The following PVT1 variants were observed in gnomAD, a reference collection of about 807,000 sequenced individuals.
PVT1 encodes the protein CXCR4/PVT1 fusion.
intron 2 of PVT1, among the ~76,000 whole-genome samples, chr8:127,807,588 G>A (rs1457064275): frequency 2.6e-5 from 4 of 152,158 alleles, no homozygotes; most frequent in African/African-American, 7.2e-5. Context: ...CTCCCAAAGT[G>A]CTGGGATTAC....
chr8:128,072,195 C>T (rs189864882), intron 5 of PVT1, among the ~76,000 whole-genome samples: 105 of 152,248 alleles, frequency 6.9e-4, no homozygotes, highest in Admixed American at 5.9e-3. Flanking sequence ...ATCACCATTG[C>T]GCCCCTCATC....
intron 4 of PVT1, among the ~76,000 whole-genome samples, chr8:128,006,293 G>A (rs1194852675): frequency 6.6e-6 from 1 of 152,040 alleles, no homozygotes; most frequent in African/African-American, 2.4e-5. Flanking sequence ...CATTAGTAAT[G>A]TATCAGAACC....
intron 3 of PVT1, among the ~76,000 whole-genome samples, chr8:127,914,022 G>A (rs944801814): frequency 2.0e-5 from 3 of 152,018 alleles, no homozygotes; most frequent in Admixed American, 1.3e-4. Flanking sequence ...GGCAGCATAC[G>A]AGTTTGCTAT....
At chr8:128,000,074 T>C (rs1365647602) in intron 4 of PVT1, among the ~76,000 whole-genome samples, 2 of 152,164 alleles carry the variant, frequency 1.3e-5, no homozygotes, top group African/African-American at 4.8e-5. Flanking sequence ...CCTGTTCTGC[T>C]CCTGTCCTCC....
intron 2 of PVT1, among the ~76,000 whole-genome samples, chr8:127,868,056 G>A (rs1423103426): frequency 6.6e-6 from 1 of 152,120 alleles, no homozygotes; most frequent in Non-Finnish European, 1.5e-5. Flanking sequence ...TTCTTATTAT[G>A]AAATAGATAT....
At chr8:127,841,618 T>C (rs746742864) in intron 2 of PVT1, among the ~76,000 whole-genome samples, 5 of 152,178 alleles carry the variant, frequency 3.3e-5, no homozygotes, top group Non-Finnish European at 7.3e-5. Context: ...ATGCCATGGC[T>C]GAGGTAAGAT....
At chr8:127,891,858 C>A (rs947030022) in intron 3 of PVT1, among the ~76,000 whole-genome samples, 3 of 152,202 alleles carry the variant, frequency 2.0e-5, no homozygotes, top group Non-Finnish European at 2.9e-5. Context: ...GAAATGGAGT[C>A]TCATGCCAGC....
intron 4 of PVT1, among the ~76,000 whole-genome samples, chr8:128,055,898 C>A (rs1368305734): frequency 3.3e-5 from 5 of 152,178 alleles, no homozygotes; most frequent in Admixed American, 2.0e-4. Context: ...GGTAAAGCAG[C>A]CACAGACCAG....
chr8:128,075,400 T>C (rs1311267777), intron 5 of PVT1, among the ~76,000 whole-genome samples: 1 of 152,196 alleles, frequency 6.6e-6, no homozygotes, highest in Non-Finnish European at 1.5e-5. Context: ...AAATAGTGCA[T>C]GAATAGATCG....
chr8:127,905,623 G>A (rs776748835), intron 3 of PVT1, among the ~76,000 whole-genome samples: 73 of 152,260 alleles, frequency 4.8e-4, no homozygotes, highest in Middle Eastern at 3.4e-3. Flanking sequence ...AAAAAATTGA[G>A]GACCTGTGGG....
At chr8:127,833,923 C>A (rs926783563) in intron 2 of PVT1, among the ~76,000 whole-genome samples, 2 of 152,264 alleles carry the variant, frequency 1.3e-5, no homozygotes, top group East Asian at 3.9e-4. Flanking sequence ...ACAGCTGGAC[C>A]CCTCCCTAGA....
intron 4 of PVT1, among the ~76,000 whole-genome samples, chr8:128,002,962 C>CCTGT (rs1161615011): frequency 4.0e-5 from 2 of 49,476 alleles, no homozygotes; most frequent in Non-Finnish European, 9.0e-5. Context: ...TCCCTCCCTC[C>CCTGT]CTCCCTCTTC....
chr8:127,823,804 A>G (rs1814758361), intron 2 of PVT1, among the ~76,000 whole-genome samples: 1 of 152,254 alleles, frequency 6.6e-6, no homozygotes, highest in African/African-American at 2.4e-5. Flanking sequence ...GAGGCTTGTC[A>G]ATGGCCTTCA....
chr8:128,013,784 C>T (rs1817341456), intron 4 of PVT1, among the ~76,000 whole-genome samples: 2 of 152,188 alleles, frequency 1.3e-5, no homozygotes, highest in Non-Finnish European at 2.9e-5. Context: ...CTCTATCCCT[C>T]AACAGTAAGT....
Position 127,916,169 on chromosome 8 carries a change from A to G in PVT1, n.782+25171A>G, listed in dbSNP as rs550609644. Among the ~76,000 whole-genome samples, 4 of 152,368 alleles carry G rather than the reference A, an allele frequency of 2.6e-5. No homozygotes were observed. The South Asian group carries it at 8.3e-4, about 32-fold the overall frequency. On this transcript the variant is annotated intron_variant and non_coding_transcript_variant, in intron 3 of 10. Coordinates refer to ENST00000651587, the Ensembl canonical transcript of PVT1. ...CCTAAATGTGCAGTGGGAGAGCATG[A>G]GAACACTTATCTGATGTCTTCCCTG...
chr8:127,934,914 G>C (rs1192243275), intron 3 of PVT1, among the ~76,000 whole-genome samples: 1 of 152,148 alleles, frequency 6.6e-6, no homozygotes, highest in Non-Finnish European at 1.5e-5. Flanking sequence ...GGGGAGTTCT[G>C]TTTGGTTTTA....
chr8:128,010,156 A>G (rs761502226), intron 4 of PVT1: 3 of 152,168 alleles, frequency 2.0e-5, no homozygotes, highest in Admixed American at 6.5e-5. Flanking sequence ...TAGATTCTCC[A>G]TGGCAGTAGC....
At chr8:127,963,242 G>A (rs114685699) in intron 3 of PVT1, among the ~76,000 whole-genome samples, 88 of 152,290 alleles carry the variant, frequency 5.8e-4, no homozygotes, top group African/African-American at 2.0e-3. Context: ...TCCTAGGCTC[G>A]CATCGGCCAC....
intron 5 of PVT1, among the ~76,000 whole-genome samples, chr8:128,073,519 C>T (rs1018222756): frequency 1.1e-4 from 16 of 152,218 alleles, no homozygotes; most frequent in Admixed American, 6.5e-4. Context: ...ACCAATTTTT[C>T]GGCGTGGGGC....
Sources: allele counts gnomAD v4.1 joint callset (sites outside exome capture counted in the v4.1 genomes callset), GRCh38; gene constraint gnomAD v4.1.1; transcripts MANE v1.5; gene names NCBI Gene and HGNC (gene_info 2026-07-23, HGNC 2026-07-21).